TAOK3: variants seen among roughly 807,000 people sequenced by gnomAD.
TAOK3 encodes the protein TAO kinase 3.
In TAOK3, 40 loss-of-function variants were observed where a neutral mutation model predicts 120.4. The ratio of observed to expected loss-of-function variants is 0.33; its 90% CI spans 0.26 to 0.43. The LOEUF (loss-of-function observed/expected upper bound fraction) is 0.43. TAOK3 is among the 20% of genes least tolerant of loss of function. The pLI is 1.00. For synonymous variants in TAOK3, 355 were observed against 387.5 expected, an observed-to-expected ratio of 0.92 and a Z score of 0.99; for missense variants, 821 against 1,112.1, an observed-to-expected ratio of 0.74 and a Z score of 3.72.
intron 16 of TAOK3, among the ~76,000 whole-genome samples, chr12:118,174,844 T>C (rs1049588943): frequency 6.6e-6 from 1 of 152,010 alleles, no homozygotes; most frequent in African/African-American, 2.4e-5. Context: ...TGTATTTTTA[T>C]AGAGATGTCG....
At chr12:118,246,190 G>A (rs2040489683) in intron 3 of TAOK3, 2 of 1,406,778 alleles carry the variant, frequency 1.4e-6, no homozygotes, top group Non-Finnish European at 1.9e-6. Context: ...ATCCGGGGCC[G>A]GGGTCGCGGC....
chr12:118,319,675 TA>T (rs748846888), intron 1 of TAOK3, among the ~76,000 whole-genome samples: 12 of 151,300 alleles, frequency 7.9e-5, no homozygotes, highest in African/African-American at 2.7e-4. Context: ...TGATTATAAT[TA>T]AAAAAAAACC....
chr12:118,211,210 T>C (rs1779959804), intron 11 of TAOK3, among the ~76,000 whole-genome samples: 1 of 152,218 alleles, frequency 6.6e-6, no homozygotes, highest in Non-Finnish European at 1.5e-5. Context: ...CAAATCAAGA[T>C]GGAATCAAAT....
At chr12:118,261,124 A>T (rs2041209989) in intron 2 of TAOK3, among the ~76,000 whole-genome samples, 1 of 152,246 alleles carries the variant, frequency 6.6e-6, no homozygotes, top group Non-Finnish European at 1.5e-5. Context: ...AAAATAAAAC[A>T]GAAAAAAGAC....
At chr12:118,199,328 C>A in intron 12 of TAOK3, 71 bp from the exon 13 acceptor site, 1 of 1,236,186 alleles carries the variant, frequency 8.1e-7, no homozygotes, top group South Asian at 1.3e-5. Flanking sequence ...ACAAAAGTGT[C>A]AAGCACACTC....
chr12:118,246,982 A>T, intron 3 of TAOK3: 1 of 988,940 alleles, frequency 1.0e-6, no homozygotes, highest in Non-Finnish European at 1.5e-6. Flanking sequence ...TATACAAGAA[A>T]AATAAAGTGA....
chr12:118,246,991 G>T, intron 3 of TAOK3: 2 of 954,806 alleles, frequency 2.1e-6, no homozygotes, highest in Non-Finnish European at 3.1e-6. Flanking sequence ...AAAATAAAGT[G>T]AATTAAGCGT....
intron 11 of TAOK3, among the ~76,000 whole-genome samples, chr12:118,210,852 C>A (rs1282515914): frequency 6.6e-6 from 1 of 151,320 alleles, no homozygotes; most frequent in Non-Finnish European, 1.5e-5. Flanking sequence ...GATTCTCCTG[C>A]CTTAGCCTCC....
At chr12:118,243,301 A>G (rs2040334789) in intron 5 of TAOK3, 114 bp downstream of exon 5, 3 of 628,748 alleles carry the variant, frequency 4.8e-6, no homozygotes, top group Admixed American at 6.7e-5. Context: ...CTGATAACAA[A>G]AGTTAAATGG....
intron 3 of TAOK3, among the ~76,000 whole-genome samples, chr12:118,250,675 A>C (rs943608940): frequency 3.3e-5 from 5 of 152,230 alleles, no homozygotes; most frequent in Non-Finnish European, 7.3e-5. Flanking sequence ...TAATATGCCC[A>C]GTACCTATCT....
chr12:118,223,788 T>G (rs1376261863), intron 9 of TAOK3, among the ~76,000 whole-genome samples: 1 of 151,806 alleles, frequency 6.6e-6, no homozygotes, highest in East Asian at 1.9e-4. Flanking sequence ...GGACTACAGG[T>G]GTGTGCCACT....
intron 2 of TAOK3, 81 bp from the exon 3 acceptor site, chr12:118,255,736 A>G (rs2040953415): frequency 1.5e-6 from 1 of 651,696 alleles, no homozygotes; most frequent in African/African-American, 1.9e-5. Flanking sequence ...CAAATATTAA[A>G]AGCCTCTTGG....
At chr12:118,207,889 C>CACACA (rs2038417021) in intron 11 of TAOK3, among the ~76,000 whole-genome samples, 1 of 151,582 alleles carries the variant, frequency 6.6e-6, no homozygotes, top group South Asian at 2.1e-4. Context: ...CACACACACA[C>CACACA]ATGCACAAAT....
intron 5 of TAOK3, among the ~76,000 whole-genome samples, chr12:118,242,799 G>A (rs2040308931): frequency 6.6e-6 from 1 of 152,076 alleles, no homozygotes; most frequent in Non-Finnish European, 1.5e-5. Context: ...GGCAGAGGTT[G>A]TAGTCAGCTG....
At chr12:118,328,671 GAT>G (rs1566125044) in intron 1 of TAOK3, among the ~76,000 whole-genome samples, 2 of 152,038 alleles carry the variant, frequency 1.3e-5, no homozygotes, top group African/African-American at 4.8e-5. Flanking sequence ...TTTCCTCTGG[GAT>G]ATGAGTTACA....
rs1555215274 is a variant in TAOK3 at position 118,182,623 on chromosome 12, A to ATTTT, written c.1330-1020_1330-1017dup. Among the ~76,000 whole-genome samples the ATTTT allele has an allele frequency of 1.0e-3, 95 of 92,374 alleles. 2 individuals are homozygous for ATTTT. Among genetic ancestry groups the ATTTT allele is most frequent in the African/African-American group, 4.3e-3 (88 of 20,242 alleles). The allele number at this position is 92,374 out of a possible 152,430, so 60.6% of individuals were successfully genotyped here. On this transcript the variant is annotated intron_variant, in intron 14 of 20. Transcript: ENST00000392533. ...TGTATATATATATATATATATATAT[A>ATTTT]TTTTTTTTTTTTTTTAAGGATCATG...
At chr12:118,260,726 G>A (rs1469251909) in intron 2 of TAOK3, among the ~76,000 whole-genome samples, 1 of 152,148 alleles carries the variant, frequency 6.6e-6, no homozygotes, top group African/African-American at 2.4e-5. Context: ...TGTTGCCCAG[G>A]CTAGAGTGCA....
At chr12:118,280,383 G>A (rs2042058433) in intron 1 of TAOK3, among the ~76,000 whole-genome samples, 1 of 152,142 alleles carries the variant, frequency 6.6e-6, no homozygotes, top group South Asian at 2.1e-4. Context: ...ATGGTGTAAA[G>A]AAGGGGTCCA....
chr12:118,311,377 C>A (rs1347842369), intron 1 of TAOK3, among the ~76,000 whole-genome samples: 1 of 152,140 alleles, frequency 6.6e-6, no homozygotes, highest in Non-Finnish European at 1.5e-5. Flanking sequence ...AGGAGAATCG[C>A]TTGAACTTGG....
Sources: gnomAD v4.1 joint callset for allele counts (sites outside exome capture counted in the v4.1 genomes callset) on GRCh38, gnomAD v4.1.1 for gene constraint, MANE v1.5 for transcripts, NCBI Gene and HGNC (gene_info 2026-07-23, HGNC 2026-07-21) for gene names.